The following KRT8 variants were observed in gnomAD, a reference collection of about 807,000 sequenced individuals.
KRT8 encodes the protein keratin, type II cytoskeletal 8.
KRT8 carries 24 observed loss-of-function variants against 43.0 expected under a neutral mutation model. The observed-to-expected ratio is 0.56, with a 90% confidence interval of 0.40 to 0.78. The LOEUF is 0.78. Ranked by LOEUF, KRT8 falls within the 30% of genes least tolerant of loss-of-function variation. The pLI is 0.00. For missense variants in KRT8, 492 were observed against 638.4 expected (o/e 0.77, Z 2.47); for synonymous variants, 214 against 261.2 (o/e 0.82, Z 1.74).
exon 5 of KRT8, chr12:52,899,901 C>T: frequency 6.2e-7 from 1 of 1,613,060 alleles, no homozygotes; most frequent in South Asian, 1.1e-5. Context: ...GCTCCTCATA[C>T]TTGATCTGGT....
At chr12:52,905,352 T>C (rs1941490552), upstream of KRT8, among the ~76,000 whole-genome samples, 1 of 152,156 alleles carries the variant, frequency 6.6e-6, no homozygotes, top group Non-Finnish European at 1.5e-5. Flanking sequence ...CAAGCAGACT[T>C]GCCTGGGCCG....
intron 2 of KRT8, among the ~76,000 whole-genome samples, chr12:52,935,546 GAAAAGA>G (rs1417604121): frequency 2.1e-5 from 3 of 144,634 alleles, no homozygotes; most frequent in Middle Eastern, 3.6e-3. Flanking sequence ...AAAAAAAAAG[GAAAAGA>G]AAAAGAAAAA....
chr12:52,913,583 C>T (rs1232543916), intron 2 of KRT8, among the ~76,000 whole-genome samples: 2 of 147,102 alleles, frequency 1.4e-5, no homozygotes, highest in Non-Finnish European at 3.0e-5. Context: ...AGGCCCACCC[C>T]CCACCCTGTG....
At chr12:52,931,037 T>A (rs1264002865) in intron 2 of KRT8, among the ~76,000 whole-genome samples, 3 of 151,800 alleles carry the variant, frequency 2.0e-5, no homozygotes, top group African/African-American at 7.3e-5. Context: ...TCATGATGCT[T>A]CCCCACTTTT....
chr12:52,931,436 A>T (rs1022172348), intron 2 of KRT8, among the ~76,000 whole-genome samples: 26 of 152,228 alleles, frequency 1.7e-4, no homozygotes, highest in African/African-American at 5.8e-4. Flanking sequence ...TGTTGTAGAG[A>T]TCCAGCCCCA....
At chr12:52,926,186 T>A (rs932702663) in intron 2 of KRT8, among the ~76,000 whole-genome samples, 18 of 120,826 alleles carry the variant, frequency 1.5e-4, no homozygotes, top group Non-Finnish European at 1.8e-4. Context: ...TCAGGTATCC[T>A]CTCCAGTGCC....
rs557678490 is a variant in KRT8 at position 52,923,855 on chromosome 12, T to A, written c.-46-18828A>T. Among the ~76,000 whole-genome samples, 35 of 151,820 alleles carry A rather than the reference T, an allele frequency of 2.3e-4. No individual in the cohort carries two copies. The South Asian group carries it at 5.4e-3, about 23-fold the overall frequency. ...GTGTAGTGAGAAAAGCATTATATAT[T>A]TTTTTTTTCGAGACGGAGCCTCGCT... On this transcript the variant is annotated intron_variant, in intron 2 of 6. Coordinates refer to the KRT8 transcript ENST00000546826.
chr12:52,902,279 G>A, intron 1 of KRT8: 1 of 594,858 alleles, frequency 1.7e-6, no homozygotes. Context: ...ATGTCCCTCA[G>A]CATTGGGTAG....
Position 52,902,079 on chromosome 12 carries a change from G to A in KRT8, c.325-7C>T, listed in dbSNP as rs146197334. On this transcript the variant is annotated splice_region_variant and splice_polypyrimidine_tract_variant and intron_variant, in intron 1 of 7. Coordinates refer to ENST00000692008, the Ensembl canonical transcript of KRT8. ...GCTGCTCCAGGAACCGTACCTATACGAAGGAGGAGAGAGCAAAAAGGTCTA... is the reference window on the plus strand; with the variant it reads ...GCTGCTCCAGGAACCGTACCTATACAAAGGAGGAGAGAGCAAAAAGGTCTA... 90 of 1,588,106 alleles carry A rather than the reference G, an allele frequency of 5.7e-5. No homozygotes were observed. In the African/African-American group the frequency reaches 9.2e-4, roughly 16 times the overall value.
At chr12:52,923,926 C>A (rs1271377319) in intron 2 of KRT8, among the ~76,000 whole-genome samples, 2 of 147,918 alleles carry the variant, frequency 1.4e-5, no homozygotes, top group Admixed American at 1.3e-4. Context: ...CTCGCTGCAA[C>A]CTCCGCCTCC....
chr12:52,904,143 A>G (rs1007790625), intron 1 of KRT8, among the ~76,000 whole-genome samples: 9 of 151,872 alleles, frequency 5.9e-5, no homozygotes, highest in African/African-American at 2.2e-4. Flanking sequence ...AAAAGAAAAG[A>G]AAGAAAAAAA....
At chr12:52,932,237 T>C (rs1403319160) in intron 2 of KRT8, among the ~76,000 whole-genome samples, 2 of 151,856 alleles carry the variant, frequency 1.3e-5, no homozygotes, top group African/African-American at 4.8e-5. Context: ...TACAAGCGCC[T>C]GCAACCACAC....
chr12:52,938,170 A>ATATATATATATATATATATATATATT (rs1555189967), intron 2 of KRT8, among the ~76,000 whole-genome samples: 3 of 30,306 alleles, frequency 9.9e-5, no homozygotes, highest in Non-Finnish European at 1.2e-4. Context: ...ATATATATAT[A>ATATATATATATATATATATATATATT]TTTTTTTTTT....
chr12:52,904,939 A>C, exon 1 of KRT8: 1 of 1,612,194 alleles, frequency 6.2e-7, no homozygotes, highest in South Asian at 1.1e-5. Flanking sequence ...CGGGGGCCAG[A>C]GGTGGACACC....
intron 2 of KRT8, among the ~76,000 whole-genome samples, chr12:52,940,341 G>A (rs1942245170): frequency 6.6e-6 from 1 of 150,742 alleles, no homozygotes; most frequent in African/African-American, 2.4e-5. Context: ...GCTAAGGCAG[G>A]AGAATCGCTT....
At chr12:52,931,796 G>A (rs1206708552) in intron 2 of KRT8, among the ~76,000 whole-genome samples, 1 of 151,958 alleles carries the variant, frequency 6.6e-6, no homozygotes, top group Non-Finnish European at 1.5e-5. Context: ...CTGAGTAGCT[G>A]GGATTACAGG....
chr12:52,922,140 TGTGA>T (rs1941898354), intron 2 of KRT8, among the ~76,000 whole-genome samples: 1 of 127,386 alleles, frequency 7.9e-6, no homozygotes, highest in African/African-American at 3.0e-5. Context: ...TAATTGCACC[TGTGA>T]GTAACAATGG....
At chr12:52,900,538 G>A in intron 4 of KRT8, 50 bp downstream of exon 4, 1 of 1,196,342 alleles carries the variant, frequency 8.4e-7, no homozygotes, top group Non-Finnish European at 1.2e-6. Flanking sequence ...TCAGGGTGGA[G>A]GCGCTGACAA....
chr12:52,940,917 C>T (rs1013783663), intron 2 of KRT8, among the ~76,000 whole-genome samples: 1 of 152,074 alleles, frequency 6.6e-6, no homozygotes, highest in Admixed American at 6.6e-5. Flanking sequence ...TGAGCCACCA[C>T]ACCCAGCCTG....
Sources: allele counts gnomAD v4.1 joint callset (sites outside exome capture counted in the v4.1 genomes callset), GRCh38; gene constraint gnomAD v4.1.1; transcripts MANE v1.5; gene names NCBI Gene and HGNC (gene_info 2026-07-23, HGNC 2026-07-21).